KREMEN1: variants seen among roughly 807,000 people sequenced by gnomAD.
KREMEN1 encodes kremen protein 1.
In KREMEN1, 30 loss-of-function variants were observed where a neutral mutation model predicts 46.5. The observed-to-expected ratio is 0.65, with a 90% CI of 0.48 to 0.88. The LOEUF (loss-of-function observed/expected upper bound fraction) is 0.88, where lower values mean the gene tolerates loss of function less well. Ranked by LOEUF, KREMEN1 falls within the 40% of genes least tolerant of loss-of-function variation. The pLI, the probability that KREMEN1 is intolerant of heterozygous loss-of-function variation, is 0.00. For missense variants in KREMEN1, 533 were observed against 596.9 expected, an observed-to-expected ratio of 0.89 and a Z score of 1.11; for synonymous variants, 214 against 230.6, an observed-to-expected ratio of 0.93 and a Z score of 0.65.
chr22:29,110,671 C>T (rs1016022592), intron 3 of KREMEN1, among the ~76,000 whole-genome samples: 2 of 152,094 alleles, frequency 1.3e-5, no homozygotes, highest in African/African-American at 4.8e-5. Flanking sequence ...TGCTGTAAGA[C>T]TCGGGGGCAC....
At chr22:29,082,611 G>A (rs1019553211) in intron 1 of KREMEN1, among the ~76,000 whole-genome samples, 3 of 152,162 alleles carry the variant, frequency 2.0e-5, no homozygotes, top group African/African-American at 7.2e-5. Flanking sequence ...CACTTAGCCA[G>A]GCACCTTCTA....
At position 29,121,319 on chromosome 22, in the gene KREMEN1, G is replaced by A. The variant is rs551825642; in HGVS notation, c.353-38G>A. The stretch of plus-strand genomic sequence containing the variant: ...TTTCCTTCTTGGTGTTTCACAGCCA[G>A]ATGTTGCGAAATTCTTTTGTTTTTC... On this transcript the variant is annotated intron_variant, in intron 3 of 8. Transcript: ENST00000400335. The A allele has an allele frequency of 6.2e-6, 10 of 1,610,782 alleles. No homozygotes were observed. In the South Asian group the frequency reaches 1.1e-4, roughly 18 times the overall value.
At position 29,137,438 on chromosome 22, in the gene KREMEN1, A is replaced by G. The variant is rs1299044230; in HGVS notation, c.728A>G (p.Tyr243Cys). The change falls in exon 6 of 9, where the codon TAC becomes TGC. Residue 243 changes from tyrosine to cysteine, a missense_variant. Transcript: ENST00000400335. ...ACCTATGCCACGGGGAGGGTCTGCT[A>G]CTGGACCATCCGGGTTCCGGGGGCC... Reference protein sequence around the residue: ...PDTYATGRVCYWTIRVPGASH... With the variant: ...PDTYATGRVCCWTIRVPGASH... 6.3e-7 allele frequency: 1 copy of G among 1,599,476 alleles called. No homozygotes were observed. Among genetic ancestry groups the G allele is most frequent in the Non-Finnish European group, 8.6e-7 (1 of 1,168,258 alleles).
At chr22:29,076,595 A>G (rs956076668) in intron 1 of KREMEN1, among the ~76,000 whole-genome samples, 2 of 152,236 alleles carry the variant, frequency 1.3e-5, no homozygotes, top group Non-Finnish European at 2.9e-5. Flanking sequence ...TCACACCTGT[A>G]ATCCCAGCAT....
At chr22:29,117,812 T>A (rs2145805248) in intron 3 of KREMEN1, among the ~76,000 whole-genome samples, 1 of 152,358 alleles carries the variant, frequency 6.6e-6, no homozygotes, top group East Asian at 1.9e-4. Flanking sequence ...TCATCGTCCA[T>A]GACCCATGAT....
intron 9 of KREMEN1, among the ~76,000 whole-genome samples, chr22:29,163,382 G>A (rs1454029715): frequency 6.6e-6 from 1 of 151,950 alleles, no homozygotes; most frequent in African/African-American, 2.4e-5. Flanking sequence ...TTTCTTTCTT[G>A]TTTTGTTTTT....
chr22:29,123,062 C>G (rs1362040773), intron 4 of KREMEN1, among the ~76,000 whole-genome samples: 1 of 151,210 alleles, frequency 6.6e-6, no homozygotes, highest in Non-Finnish European at 1.5e-5. Flanking sequence ...CAAAATGTAT[C>G]CCAAATCTAA....
downstream of KREMEN1, chr22:29,146,917 GC>G: frequency 2.5e-6 from 1 of 406,826 alleles, no homozygotes; most frequent in East Asian, 1.6e-4. Context: ...CCCCTTGGGT[GC>G]CAGTCCTCGC....
chr22:29,136,370 G>A (rs1180149817), intron 5 of KREMEN1, among the ~76,000 whole-genome samples: 1 of 151,764 alleles, frequency 6.6e-6, no homozygotes, highest in African/African-American at 2.4e-5. Flanking sequence ...TCAGGAGATC[G>A]AGACCATCCT....
intron 5 of KREMEN1, among the ~76,000 whole-genome samples, chr22:29,131,560 A>ATATATACGTG (rs1240832937): frequency 2.4e-4 from 17 of 69,940 alleles, no homozygotes; most frequent in East Asian, 1.3e-3. Flanking sequence ...ATATATATAT[A>ATATATACGTG]TGTGTGTGTG....
At position 29,073,080 on chromosome 22, in the gene KREMEN1, C is replaced by A; in HGVS notation, c.-51C>A. 1.9e-6 allele frequency: 1 copy of A among 533,396 alleles called. No individual in the cohort carries two copies. Among genetic ancestry groups the A allele is most frequent in the Non-Finnish European group, 2.4e-6 (1 of 417,192 alleles). The allele number at this position is 533,396 out of a possible 1,614,324, so 33.0% of individuals were successfully genotyped here. On this transcript the variant is annotated 5_prime_UTR_variant, in exon 1 of 9. Coordinates refer to ENST00000400335, the MANE Select transcript of KREMEN1 (RefSeq NM_001039570.3). This position sits in a 1 kb window ranked among gnomAD's most constrained non-coding sequence, Gnocchi z 4.4. ...TCCCATGGCCGCCCCCGGCTCCCCG[C>A]GCTGCCCCCTTTACCCCGGGCCGCG...
chr22:29,090,043 A>C (rs1219032518), intron 1 of KREMEN1, among the ~76,000 whole-genome samples: 1 of 152,262 alleles, frequency 6.6e-6, no homozygotes, highest in Non-Finnish European at 1.5e-5. Context: ...TATTATAAAC[A>C]TGTAAGCTCC....
chr22:29,081,644 C>T (rs1414034940), intron 1 of KREMEN1, among the ~76,000 whole-genome samples: 2 of 152,172 alleles, frequency 1.3e-5, no homozygotes, highest in Non-Finnish European at 2.9e-5. Flanking sequence ...GTTCCATCTA[C>T]TTATAAATGA....
chr22:29,118,809 A>G (rs1369412153), intron 3 of KREMEN1, among the ~76,000 whole-genome samples: 3 of 152,202 alleles, frequency 2.0e-5, no homozygotes, highest in Admixed American at 6.5e-5. Context: ...CACCAGATAT[A>G]GGGATTTGTC....
chr22:29,126,931 C>T (rs569005091), intron 5 of KREMEN1, among the ~76,000 whole-genome samples: 1 of 152,152 alleles, frequency 6.6e-6, no homozygotes, highest in Non-Finnish European at 1.5e-5. Context: ...TAATGATTAA[C>T]GAATCTTGCT....
Position 29,145,125 on chromosome 22 carries a change from C to T in KREMEN1, c.*3013C>T, listed in dbSNP as rs1041064091. 4.1e-6 allele frequency: 4 copies of T among 985,994 alleles called. No homozygotes were observed. Among genetic ancestry groups the T allele is most frequent in the Non-Finnish European group, 3.6e-6 (3 of 830,208 alleles). The allele number at this position is 985,994 out of a possible 1,614,324, so 61.1% of individuals were successfully genotyped here. On this transcript the variant is annotated 3_prime_UTR_variant, in exon 9 of 9. Transcript: ENST00000400335. The stretch of plus-strand genomic sequence containing the variant: ...ACCAGGTAGAAAGTCAGCGACACCC[C>T]ACAGAAGGCCACTGCGGCTAGGTAA...
chr22:29,151,302 A>G (rs1468373853), downstream of KREMEN1, among the ~76,000 whole-genome samples: 6 of 152,234 alleles, frequency 3.9e-5, no homozygotes, highest in African/African-American at 1.4e-4. Context: ...CAGAAGGGAT[A>G]ATAGTAACAG....
At position 29,131,680 on chromosome 22, in the gene KREMEN1, ATATATACATG is replaced by A. The variant is rs1166091305; in HGVS notation, c.632-5655_632-5646del. Among the ~76,000 whole-genome samples the A allele has an allele frequency of 1.6e-3, 190 of 117,486 alleles. 9 individuals are homozygous for A. The highest frequency in any genetic ancestry group is 7.3e-3 in the African/African-American group (173 of 23,858). The allele number at this position is 117,486 out of a possible 152,430, so 77.1% of individuals were successfully genotyped here. On this transcript the variant is annotated intron_variant, in intron 5 of 8. Transcript: ENST00000400335. ...TATATATATACATGTATATATATGCATATATACATGTATATATGTGTATATATATGTATAT... is the reference window on the plus strand; with the variant it reads ...TATATATATACATGTATATATATGCATATATATGTGTATATATATGTATAT...
chr22:29,131,865 CTTTTTTTTTTTTTTT>C (rs71196633), intron 5 of KREMEN1, among the ~76,000 whole-genome samples: 2 of 45,828 alleles, frequency 4.4e-5, no homozygotes, highest in African/African-American at 9.7e-5. Flanking sequence ...TAGAATAATG[CTTTTTTTTTTTTTTT>C]TTTTTTTTTG....
Sources: gnomAD v4.1 joint callset for allele counts (sites outside exome capture counted in the v4.1 genomes callset) on GRCh38, gnomAD v4.1.1 for gene constraint, Gnocchi (gnomAD v3.1) non-coding constraint, MANE v1.5 for transcripts, NCBI Gene and HGNC (gene_info 2026-07-23, HGNC 2026-07-21) for gene names.